The following CSN3 variants were observed in gnomAD, a reference collection of about 807,000 sequenced individuals.
CSN3 encodes kappa-casein.
A neutral mutation model predicts 9.9 loss-of-function variants in CSN3; 7 were observed. The observed-to-expected ratio is 0.71, with a 90% CI of 0.40 to 1.33. The LOEUF (loss-of-function observed/expected upper bound fraction) is 1.33, where lower values mean the gene tolerates loss of function less well. CSN3 is among the 40% of genes most tolerant of loss of function. The pLI, the probability that CSN3 is intolerant of heterozygous loss-of-function variation, is 0.01. For synonymous variants in CSN3, 88 were observed against 82.3 expected (o/e 1.07, Z -0.37); for missense variants, 253 against 227.9 (o/e 1.11, Z -0.71).
upstream of CSN3, among the ~76,000 whole-genome samples, chr4:70,240,122 A>G (rs1233261288): frequency 6.6e-6 from 1 of 152,010 alleles, no homozygotes; most frequent in Non-Finnish European, 1.5e-5. Context: ...CATCAAGGGA[A>G]GATAAAACAG....
intron 3 of CSN3, among the ~76,000 whole-genome samples, chr4:70,248,131 A>C (rs1730415634): frequency 6.6e-6 from 1 of 152,112 alleles, no homozygotes; most frequent in Admixed American, 6.6e-5. Flanking sequence ...TTCATATTGG[A>C]AAAAAATGAA....
chr4:70,249,401 C>A (rs922267381), exon 4 of CSN3: 1 of 1,613,944 alleles, frequency 6.2e-7, no homozygotes, highest in Non-Finnish European at 8.5e-7. Flanking sequence ...TTTTCAGAGT[C>A]CATCATCACG....
chr4:70,239,543 G>C (rs1460897143), upstream of CSN3, among the ~76,000 whole-genome samples: 2 of 151,832 alleles, frequency 1.3e-5, no homozygotes, highest in African/African-American at 2.4e-5. Context: ...ACTTACTGAG[G>C]AATAAATTAA....
At chr4:70,249,521 A>C in intron 4 of CSN3, 28 bp downstream of exon 4, 1 of 1,280,428 alleles carries the variant, frequency 7.8e-7, no homozygotes, top group East Asian at 2.4e-5. Context: ...AAAATGAGTA[A>C]TTCCGACAAG....
upstream of CSN3, among the ~76,000 whole-genome samples, chr4:70,238,725 A>T (rs550027524): frequency 6.6e-6 from 1 of 151,850 alleles, no homozygotes; most frequent in African/African-American, 2.4e-5. Context: ...CAGATTAGAA[A>T]GTGGTGTCAG....
chr4:70,245,799 A>C (rs1164115378), intron 2 of CSN3, among the ~76,000 whole-genome samples: 1 of 152,164 alleles, frequency 6.6e-6, no homozygotes, highest in Non-Finnish European at 1.5e-5. Flanking sequence ...TGTGTATAAC[A>C]TGTCCATTAA....
intron 3 of CSN3, 144 bp from the exon 4 acceptor site, chr4:70,248,854 T>C (rs1411613605): frequency 4.3e-6 from 2 of 464,448 alleles, no homozygotes; most frequent in Middle Eastern, 5.8e-4. Context: ...CAACATCTTA[T>C]AAAATAATAT....
chr4:70,244,779 T>C (rs1578253225), intron 1 of CSN3, 33 bp from the exon 2 acceptor site: 4 of 1,322,908 alleles, frequency 3.0e-6, no homozygotes, highest in Non-Finnish European at 4.1e-6. Flanking sequence ...AACAAATTCT[T>C]TTAAATTAAT....
Position 70,244,775 on chromosome 4 carries a change from T to C in CSN3, c.-8-37T>C, listed in dbSNP as rs368102586. The C allele has an allele frequency of 1.2e-5, 15 of 1,278,958 alleles. No individual in the cohort carries two copies. In the African/African-American group the frequency reaches 1.8e-4, roughly 16 times the overall value. 79.2% of individuals were successfully genotyped at this position (1,278,958 alleles called of 1,614,324 possible). Reference sequence around the variant, plus strand: ...TCACTCCTAAATTTCTAGTAACAAATTCTTTTAAATTAATTTTTTTTTAAA... The same window carrying C: ...TCACTCCTAAATTTCTAGTAACAAACTCTTTTAAATTAATTTTTTTTTAAA... On this transcript the variant is annotated intron_variant, in intron 1 of 4. Transcript: ENST00000304954.
intron 1 of CSN3, 143 bp from the exon 2 acceptor site, chr4:70,244,669 G>A (rs1390034225): frequency 2.5e-6 from 1 of 402,234 alleles, no homozygotes; most frequent in Non-Finnish European, 4.2e-6. Context: ...ACATTCTTTT[G>A]TTAAAATAAA....
chr4:70,248,376 AG>A (rs1381218045), intron 3 of CSN3, among the ~76,000 whole-genome samples: 1 of 152,198 alleles, frequency 6.6e-6, no homozygotes, highest in Non-Finnish European at 1.5e-5. Context: ...ATTTTTAAAC[AG>A]AGGCACATAG....
upstream of CSN3, among the ~76,000 whole-genome samples, chr4:70,239,364 C>G (rs1730229290): frequency 6.6e-6 from 1 of 151,794 alleles, no homozygotes; most frequent in Non-Finnish European, 1.5e-5. Flanking sequence ...GTTGATCTGG[C>G]TGTTTATTTT....
At chr4:70,243,465 C>T (rs1031638429) in intron 1 of CSN3, among the ~76,000 whole-genome samples, 3 of 151,982 alleles carry the variant, frequency 2.0e-5, no homozygotes, top group South Asian at 2.1e-4. Context: ...TTGATGACAT[C>T]GTATGGGCAG....
chr4:70,249,198 G>T (rs369506430), exon 4 of CSN3: 2 of 1,613,938 alleles, frequency 1.2e-6, no homozygotes, highest in Admixed American at 1.7e-5. Context: ...TTCCTCAGCG[G>T]CAATACCTGC....
chr4:70,242,401 A>G (rs1056030612), upstream of CSN3, among the ~76,000 whole-genome samples: 15 of 120,864 alleles, frequency 1.2e-4, 2 homozygotes, highest in Admixed American at 8.0e-5. Flanking sequence ...ATGCTGGTGC[A>G]CTGCACCCAC....
At chr4:70,247,277 T>C (rs1730397288) in intron 2 of CSN3, among the ~76,000 whole-genome samples, 2 of 152,108 alleles carry the variant, frequency 1.3e-5, no homozygotes, top group South Asian at 4.1e-4. Flanking sequence ...TCTCTAAATA[T>C]GTCACAATCC....
chr4:70,241,240 T>C (rs555037757), upstream of CSN3, among the ~76,000 whole-genome samples: 1 of 152,076 alleles, frequency 6.6e-6, no homozygotes, highest in African/African-American at 2.4e-5. Flanking sequence ...GAATGGCTGG[T>C]GTTATTACTT....
chr4:70,249,997 CA>C (rs1426814620), intron 4 of CSN3, among the ~76,000 whole-genome samples: 1 of 152,042 alleles, frequency 6.6e-6, no homozygotes, highest in East Asian at 1.9e-4. Flanking sequence ...ACATCATTTC[CA>C]AAATGATTCA....
chr4:70,243,136 G>A (rs544439340), intron 1 of CSN3: 110 of 924,626 alleles, frequency 1.2e-4, no homozygotes, highest in Middle Eastern at 1.1e-3. Context: ...ACCATTTCAC[G>A]AATTATTTCT....
Sources: allele counts gnomAD v4.1 joint callset (sites outside exome capture counted in the v4.1 genomes callset), GRCh38; gene constraint gnomAD v4.1.1; transcripts MANE v1.5; gene names NCBI Gene and HGNC (gene_info 2026-07-23, HGNC 2026-07-21).